TNFRSF1B: variants seen among roughly 807,000 people sequenced by gnomAD.
TNFRSF1B encodes the protein tumor necrosis factor receptor superfamily member 1B.
In TNFRSF1B, 19 loss-of-function variants were observed where a neutral mutation model predicts 44.6. The ratio of observed to expected loss-of-function variants is 0.43; its 90% CI spans 0.30 to 0.62. The LOEUF (loss-of-function observed/expected upper bound fraction) is 0.62, where lower values mean the gene tolerates loss of function less well. Ranked by LOEUF, TNFRSF1B falls within the 20% of genes least tolerant of loss-of-function variation. The pLI is 0.16. For synonymous variants in TNFRSF1B, 252 were observed against 261.1 expected, an observed-to-expected ratio of 0.97 and a Z score of 0.34; for missense variants, 541 against 619.9, an observed-to-expected ratio of 0.87 and a Z score of 1.35.
intron 1 of TNFRSF1B, among the ~76,000 whole-genome samples, chr1:12,172,940 C>A (rs1489900432): frequency 6.6e-6 from 1 of 152,224 alleles, no homozygotes; most frequent in Admixed American, 6.5e-5. Flanking sequence ...AAAACCTCTT[C>A]CATCTCCAAC....
chr1:12,186,582 C>T lies in TNFRSF1B; in HGVS notation c.79-2214C>T, dbSNP rs373227437. Among the ~76,000 whole-genome samples, 27 of 152,326 alleles carry T rather than the reference C, an allele frequency of 1.8e-4. No individual in the cohort carries two copies. Among genetic ancestry groups the T allele is most frequent in the African/African-American group, 6.0e-4 (25 of 41,574 alleles). ...AGGCACTTGCCTAAGGCCACACAGC[C>T]GCTAAGTGGTGGAGTGAGGATTTGA... On this transcript the variant is annotated intron_variant, in intron 1 of 9. Transcript: ENST00000376259. This position sits in a 1 kb window ranked among gnomAD's most constrained non-coding sequence, Gnocchi z 4.8.
chr1:12,204,260 G>A (rs985009701), intron 9 of TNFRSF1B, among the ~76,000 whole-genome samples: 1 of 151,996 alleles, frequency 6.6e-6, no homozygotes, highest in Non-Finnish European at 1.5e-5. Context: ...CCCCTTCATG[G>A]TCCCCCATCC....
chr1:12,183,229 T>A (rs1481094617), intron 1 of TNFRSF1B, among the ~76,000 whole-genome samples: 1 of 152,140 alleles, frequency 6.6e-6, no homozygotes, highest in African/African-American at 2.4e-5. Flanking sequence ...GCTCAGAGAC[T>A]GTGGGTGGGC....
At chr1:12,173,968 T>C (rs1431388038) in intron 1 of TNFRSF1B, among the ~76,000 whole-genome samples, 1 of 151,914 alleles carries the variant, frequency 6.6e-6, no homozygotes, top group African/African-American at 2.4e-5. Context: ...GAAGAGATCA[T>C]TGACTTCTGC....
intron 8 of TNFRSF1B, among the ~76,000 whole-genome samples, chr1:12,200,836 G>T (rs1639375458): frequency 6.6e-6 from 1 of 151,998 alleles, no homozygotes; most frequent in Non-Finnish European, 1.5e-5. Flanking sequence ...GGTCAGGCTG[G>T]TCCCCAACTC....
chr1:12,193,751 C>T (rs1639204158), intron 6 of TNFRSF1B, among the ~76,000 whole-genome samples: 1 of 152,158 alleles, frequency 6.6e-6, no homozygotes, highest in South Asian at 2.1e-4. Context: ...CTGCATCAGG[C>T]CAGAGGTCTC....
At chr1:12,194,435 G>C in intron 7 of TNFRSF1B, 149 bp from the exon 8 acceptor site, 1 of 758,606 alleles carries the variant, frequency 1.3e-6, no homozygotes, top group Non-Finnish European at 2.2e-6. Flanking sequence ...AGTTGGGTGG[G>C]GGCTTCTGTG....
Position 12,183,750 on chromosome 1 carries a change from TAG to T in TNFRSF1B, c.79-5045_79-5044del, listed in dbSNP as rs1638900285. On this transcript the variant is annotated intron_variant, in intron 1 of 9. Coordinates refer to ENST00000376259, the MANE Select transcript of TNFRSF1B (RefSeq NM_001066.3). ...CTATCTATCTATCTATCTATCTATCTAGCTAGCTAGCTAGCTAGCTATCTATT... is the reference window on the plus strand; with the variant it reads ...CTATCTATCTATCTATCTATCTATCTCTAGCTAGCTAGCTAGCTATCTATT... 1.1e-3 allele frequency among the ~76,000 whole-genome samples: 115 copies of T among 107,058 alleles called. 2 individuals carry two copies. The highest frequency in any genetic ancestry group is 5.0e-3 in the Middle Eastern group (1 of 202). The allele number at this position is 107,058 out of a possible 152,430, so 70.2% of individuals were successfully genotyped here.
At chr1:12,192,057 C>T (rs1639148049) in intron 4 of TNFRSF1B, 134 bp downstream of exon 4, 1 of 1,229,268 alleles carries the variant, frequency 8.1e-7, no homozygotes, top group South Asian at 1.5e-5. Flanking sequence ...GTGCCTGCTA[C>T]CCATCCGTCT....
chr1:12,191,968 C>A (rs1312278696), intron 4 of TNFRSF1B, 45 bp downstream of exon 4: 1 of 1,584,392 alleles, frequency 6.3e-7, no homozygotes. Context: ...ATGGGCCTCT[C>A]CTTTGTAGAC....
In TNFRSF1B at chr1:12,171,164, G is replaced by A. The variant is rs1490406210; in HGVS notation, c.78+3995G>A. Among the ~76,000 whole-genome samples, 2 of 150,554 alleles carry A rather than the reference G, an allele frequency of 1.3e-5. No individual in the cohort carries two copies. Among genetic ancestry groups the A allele is most frequent in the East Asian group, 1.9e-4 (1 of 5,178 alleles). On this transcript the variant is annotated intron_variant, in intron 1 of 9. Transcript: ENST00000376259. The surrounding 1 kb of genome is among the most constrained non-coding windows in gnomAD (Gnocchi z 4.5). The stretch of plus-strand genomic sequence containing the variant: ...ATTACAGGTGTGTGCCACCATGCCC[G>A]GCTAATTTTTCCTTTTTTTTTTTTT...
intron 8 of TNFRSF1B, 133 bp from the exon 9 acceptor site, chr1:12,201,834 G>A: frequency 2.3e-6 from 3 of 1,276,928 alleles, no homozygotes; most frequent in Non-Finnish European, 3.2e-6. Context: ...GAACGTGCAA[G>A]GGTGGGCAGA....
At chr1:12,204,024 G>T (rs1370828407) in intron 9 of TNFRSF1B, among the ~76,000 whole-genome samples, 3 of 152,168 alleles carry the variant, frequency 2.0e-5, no homozygotes, top group Non-Finnish European at 4.4e-5. Context: ...GCCAACATGC[G>T]CAGCCCATCT....
At chr1:12,188,757 G>T (rs777952063) in intron 1 of TNFRSF1B, 39 bp from the exon 2 acceptor site, 19 of 1,593,220 alleles carry the variant, frequency 1.2e-5, no homozygotes, top group Middle Eastern at 1.7e-4. Flanking sequence ...GAACCCAGGG[G>T]CGGCCCTGTT....
In TNFRSF1B at chr1:12,180,759, G is replaced by A. The variant is rs1638781866; in HGVS notation, c.79-8037G>A. On this transcript the variant is annotated intron_variant, in intron 1 of 9. Transcript: ENST00000376259. The surrounding 1 kb of genome is among the most constrained non-coding windows in gnomAD (Gnocchi z 4.3). ...ACCGGGTCAGCCTTACTCTTCCAGC[G>A]GGGTCTTTTCTTCCTGGAGCTCGGC... Among the ~76,000 whole-genome samples the A allele has an allele frequency of 6.6e-6, 1 of 152,146 alleles. No individual in the cohort carries two copies. Among genetic ancestry groups the A allele is most frequent in the African/African-American group, 2.4e-5 (1 of 41,428 alleles).
At chr1:12,176,334 G>A (rs1638656728) in intron 1 of TNFRSF1B, among the ~76,000 whole-genome samples, 1 of 152,232 alleles carries the variant, frequency 6.6e-6, no homozygotes, top group South Asian at 2.1e-4. Context: ...CAGCACACGA[G>A]GCTGTAAGTT....
intron 9 of TNFRSF1B, among the ~76,000 whole-genome samples, chr1:12,203,358 C>T: frequency 6.6e-6 from 1 of 152,162 alleles, no homozygotes; most frequent in Admixed American, 6.5e-5. Flanking sequence ...CAGGTGGGGA[C>T]TGATGGCTGC....
rs1220873785 is a variant in TNFRSF1B, at chr1:12,178,402, T to C, written c.79-10394T>C. ...ATAAAGCCCTGTGAAGGGGGCACTGTTTCTGTCGCCATTTTATAGATGATA... is the reference window on the plus strand; with the variant it reads ...ATAAAGCCCTGTGAAGGGGGCACTGCTTCTGTCGCCATTTTATAGATGATA... On this transcript the variant is annotated intron_variant, in intron 1 of 9. Transcript: ENST00000376259. The surrounding 1 kb of genome is among the most constrained non-coding windows in gnomAD (Gnocchi z 4.3). 6.6e-6 allele frequency among the ~76,000 whole-genome samples: 1 copy of C among 152,134 alleles called. No individual in the cohort carries two copies. The highest frequency in any genetic ancestry group is 1.5e-5 in the Non-Finnish European group (1 of 68,018).
intron 6 of TNFRSF1B, 91 bp from the exon 7 acceptor site, chr1:12,193,864 G>C (rs187804577): frequency 1.0e-6 from 1 of 974,640 alleles, no homozygotes; most frequent in East Asian, 2.4e-5. Context: ...GCAATGACCC[G>C]AAGCACCTTG....
Sources: allele counts gnomAD v4.1 joint callset (sites outside exome capture counted in the v4.1 genomes callset), GRCh38; gene constraint gnomAD v4.1.1; non-coding constraint Gnocchi (gnomAD v3.1); transcripts MANE v1.5; gene names NCBI Gene and HGNC (gene_info 2026-07-23, HGNC 2026-07-21).